SGCZ: variants seen among roughly 807,000 people sequenced by gnomAD.
SGCZ encodes the protein zeta-sarcoglycan.
A neutral mutation model predicts 41.3 loss-of-function variants in SGCZ; 40 were observed. The ratio of observed to expected loss-of-function variants is 0.97; its 90% CI spans 0.75 to 1.26. The LOEUF (loss-of-function observed/expected upper bound fraction) is 1.26, where lower values mean the gene tolerates loss of function less well. Ranked by LOEUF, SGCZ falls within the 50% of genes most tolerant of loss-of-function variation. The pLI, the probability that SGCZ is intolerant of heterozygous loss-of-function variation, is 0.00. For synonymous variants in SGCZ, 206 were observed against 137.5 expected, an observed-to-expected ratio of 1.50 and a Z score of -3.49; for missense variants, 552 against 369.8, an observed-to-expected ratio of 1.49 and a Z score of -4.04.
intron 1 of SGCZ, among the ~76,000 whole-genome samples, chr8:14,824,653 C>T (rs910417251): frequency 9.9e-5 from 15 of 152,052 alleles, no homozygotes; most frequent in Non-Finnish European, 2.2e-4. Flanking sequence ...CTAACAAAAT[C>T]TAAATATGAA....
In SGCZ at chr8:14,488,624, G is replaced by C. The variant is rs1461869; in HGVS notation, c.234+66108C>G. Among the ~76,000 whole-genome samples the C allele has an allele frequency of 5.2e-3, 755 of 143,846 alleles. 8 individuals carry two copies. The highest frequency in any genetic ancestry group is 7.5e-3 in the Non-Finnish European group (494 of 65,678). 94.4% of individuals were successfully genotyped at this position (143,846 alleles called of 152,430 possible). ...AAGACAGTGCCCCAATCTTTCCATC[G>C]CTGTGAGAAGTTAGGAACCTAACTT... On this transcript the variant is annotated intron_variant, in intron 2 of 7. Coordinates refer to ENST00000382080, the MANE Select transcript of SGCZ (RefSeq NM_139167.4).
At chr8:14,410,191 G>T (rs1947705) in intron 2 of SGCZ, among the ~76,000 whole-genome samples, 11,887 of 152,050 alleles carry the variant, frequency 0.078, 636 homozygotes, top group African/African-American at 0.13. Context: ...ATGATCTGAG[G>T]TGGAACATTT....
At chr8:14,321,158 G>C (rs917622983) in intron 3 of SGCZ, among the ~76,000 whole-genome samples, 3 of 152,014 alleles carry the variant, frequency 2.0e-5, no homozygotes, top group Non-Finnish European at 4.4e-5. Flanking sequence ...TGTCTGAATA[G>C]TATTATATAT....
intron 4 of SGCZ, among the ~76,000 whole-genome samples, chr8:14,174,011 T>C (rs531593614): frequency 6.6e-6 from 1 of 152,070 alleles, no homozygotes; most frequent in Non-Finnish European, 1.5e-5. Context: ...TAAAGAGTTT[T>C]AAAAAGCTAC....
At chr8:14,496,271 G>C (rs72607311) in intron 2 of SGCZ, among the ~76,000 whole-genome samples, 41 of 151,804 alleles carry the variant, frequency 2.7e-4, no homozygotes, top group African/African-American at 9.9e-4. Flanking sequence ...AATCCACTAC[G>C]TTGCCCAGGT....
At chr8:15,223,968 C>T (rs983466251) in intron 1 of SGCZ, among the ~76,000 whole-genome samples, 1 of 152,134 alleles carries the variant, frequency 6.6e-6, no homozygotes, top group Non-Finnish European at 1.5e-5. Context: ...GATTCTCCTG[C>T]CTCAGCCTTC....
intron 1 of SGCZ, among the ~76,000 whole-genome samples, chr8:15,119,583 T>C (rs913303603): frequency 1.3e-5 from 2 of 151,958 alleles, no homozygotes; most frequent in African/African-American, 2.4e-5. Context: ...AACATGTCTA[T>C]GAATCATAAA....
At chr8:15,186,882 T>G (rs974737302) in intron 1 of SGCZ, among the ~76,000 whole-genome samples, 1 of 152,166 alleles carries the variant, frequency 6.6e-6, no homozygotes, top group African/African-American at 2.4e-5. Flanking sequence ...CAGATCTTAT[T>G]GGCTTTATTG....
At chr8:14,974,820 A>G (rs1297275441) in intron 1 of SGCZ, among the ~76,000 whole-genome samples, 1 of 151,754 alleles carries the variant, frequency 6.6e-6, no homozygotes, top group Admixed American at 6.6e-5. Flanking sequence ...GGCAAATTCA[A>G]CTGGGTGAAA....
intron 1 of SGCZ, among the ~76,000 whole-genome samples, chr8:14,639,787 T>C (rs1806962306): frequency 6.6e-6 from 1 of 151,692 alleles, no homozygotes; most frequent in Admixed American, 6.6e-5. Flanking sequence ...AGACTTTTTT[T>C]TTTCTTGATA....
At chr8:14,877,781 T>C (rs750852461) in intron 1 of SGCZ, among the ~76,000 whole-genome samples, 3 of 152,128 alleles carry the variant, frequency 2.0e-5, no homozygotes, top group African/African-American at 7.2e-5. Flanking sequence ...AAAACGAATA[T>C]ATTTATTCGT....
At chr8:14,973,134 T>A (rs1316180816) in intron 1 of SGCZ, among the ~76,000 whole-genome samples, 2 of 152,204 alleles carry the variant, frequency 1.3e-5, no homozygotes, top group African/African-American at 4.8e-5. Flanking sequence ...CTTGTAAGTG[T>A]CCATTTATTC....
rs1253762546 is a variant in SGCZ, at chr8:14,554,898, G to A, written c.68C>T (p.Thr23Ile). The A allele has an allele frequency of 1.9e-6, 3 of 1,611,742 alleles. No individual in the cohort carries two copies. Among genetic ancestry groups the A allele is most frequent in the Non-Finnish European group, 2.5e-6 (3 of 1,179,020 alleles). ...AGTCCTTGGCAGGTTATTCTGTTGG[G>A]TTGCTAGTATGTATTGTTCTCGTGT... Reference protein sequence around the residue: ...KMTREQYILATQQNNLPRTEN... With the variant: ...KMTREQYILAIQQNNLPRTEN... Residue 23 changes from threonine to isoleucine, a missense_variant, in exon 2 of 8, where the codon ACC becomes ATC. Coordinates refer to ENST00000382080, the MANE Select transcript of SGCZ (RefSeq NM_139167.4).
intron 1 of SGCZ, among the ~76,000 whole-genome samples, chr8:15,199,953 G>T (rs1800842467): frequency 2.0e-5 from 3 of 152,104 alleles, no homozygotes; most frequent in Admixed American, 1.3e-4. Flanking sequence ...TAAATAGTAG[G>T]ATTCATAGGG....
At chr8:14,666,906 G>A (rs989337009) in intron 1 of SGCZ, among the ~76,000 whole-genome samples, 11 of 142,786 alleles carry the variant, frequency 7.7e-5, no homozygotes, top group Non-Finnish European at 1.5e-4. Context: ...TATTCTATAA[G>A]AATAAACCCT....
intron 1 of SGCZ, among the ~76,000 whole-genome samples, chr8:14,731,126 GAACT>G (rs948082636): frequency 6.6e-6 from 1 of 151,728 alleles, no homozygotes; most frequent in African/African-American, 2.4e-5. Context: ...CAAAAACATG[GAACT>G]AACCCAAATG....
chr8:14,269,702 A>C (rs909167316), intron 3 of SGCZ, among the ~76,000 whole-genome samples: 1 of 152,154 alleles, frequency 6.6e-6, no homozygotes, highest in Non-Finnish European at 1.5e-5. Context: ...ATGCTATGAC[A>C]TGATGCTGTC....
At chr8:14,255,151 C>T (rs62500205) in intron 3 of SGCZ, among the ~76,000 whole-genome samples, 43,622 of 152,036 alleles carry the variant, frequency 0.29, 7,256 homozygotes, top group Non-Finnish European at 0.38. Flanking sequence ...CAAGTCACTA[C>T]GCTTATCAGC....
At chr8:15,161,665 A>T (rs2117042325) in intron 1 of SGCZ, among the ~76,000 whole-genome samples, 1 of 152,346 alleles carries the variant, frequency 6.6e-6, no homozygotes, top group Admixed American at 6.5e-5. Flanking sequence ...GAAACCAAAA[A>T]ATTTCAACTA....
Sources: allele counts gnomAD v4.1 joint callset (sites outside exome capture counted in the v4.1 genomes callset), GRCh38; gene constraint gnomAD v4.1.1; transcripts MANE v1.5; gene names NCBI Gene and HGNC (gene_info 2026-07-23, HGNC 2026-07-21).